Variants in LRRC37A2 observed in about 807,000 individuals in gnomAD.
LRRC37A2 encodes leucine rich repeat containing 37 member A2.
Under a neutral mutation model 68.8 loss-of-function variants are expected in LRRC37A2, and 9 were observed. That is an observed-to-expected ratio of 0.13 (90% CI 0.08 to 0.23). LRRC37A2 has a LOEUF of 0.23. LRRC37A2 is among the 10% of genes least tolerant of loss of function. The pLI is 1.00. For synonymous variants in LRRC37A2, 63 were observed against 367.6 expected, an observed-to-expected ratio of 0.17 and a Z score of 9.48; for missense variants, 168 against 950.4, an observed-to-expected ratio of 0.18 and a Z score of 10.82.
At chr17:46,742,799 G>T in the LRRC37A2 span, among the ~76,000 whole-genome samples, 1 of 152,200 alleles carries the variant, frequency 6.6e-6, no homozygotes, top group African/African-American at 2.4e-5. Context: ...GAGTTGACAG[G>T]CTAGAAACAA....
the LRRC37A2 span, among the ~76,000 whole-genome samples, chr17:46,992,152 G>C: frequency 7.2e-6 from 1 of 139,362 alleles, no homozygotes; most frequent in African/African-American, 2.5e-5. Context: ...CCTGAAGTCA[G>C]GGGTTTGAGA....
At chr17:46,835,744 T>A in the LRRC37A2 span, among the ~76,000 whole-genome samples, 1 of 152,136 alleles carries the variant, frequency 6.6e-6, no homozygotes, top group Non-Finnish European at 1.5e-5. Flanking sequence ...GGAGAATACA[T>A]CTCCTAATGC....
chr17:46,883,195 G>T, the LRRC37A2 span, among the ~76,000 whole-genome samples: 1 of 151,772 alleles, frequency 6.6e-6, no homozygotes, highest in East Asian at 1.9e-4. Context: ...CGTTAGCCAG[G>T]ATGGTCTTGA....
chr17:46,749,038 ATCT>A, the LRRC37A2 span, among the ~76,000 whole-genome samples: 5 of 152,204 alleles, frequency 3.3e-5, no homozygotes, highest in African/African-American at 1.2e-4. Flanking sequence ...ATAAATCCCC[ATCT>A]TCCATGGTAG....
chr17:46,777,209 CA>C, the LRRC37A2 span, among the ~76,000 whole-genome samples: 66 of 145,062 alleles, frequency 4.5e-4, 1 homozygote, highest in East Asian at 9.1e-3. Context: ...GACTTCGTCT[CA>C]AAAAAAAAAA....
At chr17:47,007,303 A>C in the LRRC37A2 span, among the ~76,000 whole-genome samples, 1 of 151,982 alleles carries the variant, frequency 6.6e-6, no homozygotes, top group Non-Finnish European at 1.5e-5. Flanking sequence ...TCAGCCTCCC[A>C]AGTAGCTGGG....
At chr17:46,929,646 G>A in the LRRC37A2 span, 2 of 845,670 alleles carry the variant, frequency 2.4e-6, no homozygotes, top group Admixed American at 1.7e-5. Context: ...AATGGGCTGG[G>A]CTTCCTGACT....
the LRRC37A2 span, among the ~76,000 whole-genome samples, chr17:46,852,781 A>G: frequency 6.6e-6 from 1 of 152,088 alleles, no homozygotes; most frequent in Non-Finnish European, 1.5e-5. Flanking sequence ...AGGCAAGAAA[A>G]CACCAAGCAA....
the LRRC37A2 span, chr17:46,940,272 T>C: frequency 1.5e-5 from 22 of 1,431,306 alleles, no homozygotes; most frequent in East Asian, 5.0e-4. Flanking sequence ...GAGATCTCCA[T>C]TGTTCCTACC....
the LRRC37A2 span, among the ~76,000 whole-genome samples, chr17:46,736,768 T>G: frequency 2.0e-5 from 3 of 152,248 alleles, no homozygotes; most frequent in African/African-American, 7.2e-5. Flanking sequence ...GTATAATATA[T>G]TTTTAACCTT....
the LRRC37A2 span, chr17:46,938,833 G>T: frequency 6.2e-7 from 1 of 1,607,656 alleles, no homozygotes; most frequent in Non-Finnish European, 8.5e-7. Context: ...GAGAGAGGGG[G>T]GCCCAGAGGC....
the LRRC37A2 span, among the ~76,000 whole-genome samples, chr17:46,899,766 T>C: frequency 6.6e-6 from 1 of 152,148 alleles, no homozygotes; most frequent in African/African-American, 2.4e-5. Context: ...AGGGTGAACT[T>C]TATGTGAATT....
chr17:47,038,754 C>T, the LRRC37A2 span, among the ~76,000 whole-genome samples: 1 of 71,316 alleles, frequency 1.4e-5, no homozygotes, highest in African/African-American at 4.1e-5. Context: ...AGTGCAGTGG[C>T]ACAATCTTTA....
chr17:47,020,642 C>T, the LRRC37A2 span, among the ~76,000 whole-genome samples: 18 of 150,038 alleles, frequency 1.2e-4, no homozygotes, highest in Non-Finnish European at 2.4e-4. Flanking sequence ...ATTAGCCAGG[C>T]ATGGTGGTGG....
At chr17:47,032,339 GTTA>G in the LRRC37A2 span, among the ~76,000 whole-genome samples, 2 of 149,230 alleles carry the variant, frequency 1.3e-5, no homozygotes, top group African/African-American at 4.9e-5. Flanking sequence ...TTGCGATGCG[GTTA>G]TTATTATCAT....
At chr17:46,896,452 A>AAGAAAGAAAGAAAGAAAGAAAAAGAAAG in the LRRC37A2 span, among the ~76,000 whole-genome samples, 4 of 65,878 alleles carry the variant, frequency 6.1e-5, no homozygotes, top group East Asian at 1.0e-3. Flanking sequence ...GAAAGAAAGA[A>AAGAAAGAAAGAAAGAAAGAAAAAGAAAG]AAAGAAAGAA....
chr17:46,713,970 G>A, the LRRC37A2 span: 1 of 1,604,440 alleles, frequency 6.2e-7, no homozygotes, highest in Non-Finnish European at 8.5e-7. Context: ...ACAGCCAAAT[G>A]TCAGGCCATG....
At chr17:46,913,885 G>A in the LRRC37A2 span, among the ~76,000 whole-genome samples, 6 of 151,992 alleles carry the variant, frequency 3.9e-5, no homozygotes, top group African/African-American at 9.6e-5. Flanking sequence ...TCAGCCTCCC[G>A]AGTAGTTGGG....
chr17:46,966,372 T>G, the LRRC37A2 span, among the ~76,000 whole-genome samples: 1 of 152,324 alleles, frequency 6.6e-6, no homozygotes, highest in South Asian at 2.1e-4. Context: ...TGTGACCTCC[T>G]CACACCTCTT....
Sources: allele counts gnomAD v4.1 joint callset (sites outside exome capture counted in the v4.1 genomes callset), GRCh38; gene constraint gnomAD v4.1.1; transcripts MANE v1.5; gene names NCBI Gene and HGNC (gene_info 2026-07-23, HGNC 2026-07-21).